PM20D2: variants seen among roughly 807,000 people sequenced by gnomAD.
PM20D2 encodes xaa-Arg dipeptidase.
Under a neutral mutation model 42.9 loss-of-function variants are expected in PM20D2, and 33 were observed. That is an observed-to-expected ratio of 0.77 (90% CI 0.58 to 1.03). PM20D2 has a LOEUF of 1.03. Among genes scored for constraint, PM20D2 ranks in the 50% least tolerant of loss-of-function variants. The pLI is 0.00. For synonymous variants in PM20D2, 250 were observed against 228.2 expected, an observed-to-expected ratio of 1.10 and a Z score of -0.86; for missense variants, 548 against 557.0, an observed-to-expected ratio of 0.98 and a Z score of 0.16.
chr6:89,103,628 G>T, the PM20D2 span, among the ~76,000 whole-genome samples: 12 of 151,968 alleles, frequency 7.9e-5, no homozygotes, highest in African/African-American at 2.9e-4. Flanking sequence ...ACTGCGCCTG[G>T]CCTGAATTTT....
At chr6:89,134,900 T>C in the PM20D2 span, among the ~76,000 whole-genome samples, 4 of 151,108 alleles carry the variant, frequency 2.6e-5, no homozygotes, top group Non-Finnish European at 4.4e-5. Context: ...TGGGTAGCTC[T>C]GGAGTGTAAA....
chr6:89,131,206 A>C, the PM20D2 span, among the ~76,000 whole-genome samples: 1 of 151,668 alleles, frequency 6.6e-6, no homozygotes, highest in Non-Finnish European at 1.5e-5. Context: ...TAACCCATGA[A>C]CTCATTAATC....
chr6:89,144,582 A>G (rs1455112434), upstream of PM20D2, among the ~76,000 whole-genome samples: 7 of 152,258 alleles, frequency 4.6e-5, no homozygotes, highest in Non-Finnish European at 8.8e-5. Context: ...TAAAATGAAG[A>G]TAAATAACCA....
the PM20D2 span, among the ~76,000 whole-genome samples, chr6:89,117,653 G>A: frequency 6.6e-6 from 1 of 151,450 alleles, no homozygotes; most frequent in Non-Finnish European, 1.5e-5. Context: ...TTCCGCCCTG[G>A]GCCGCGGAGT....
the PM20D2 span, among the ~76,000 whole-genome samples, chr6:89,133,066 A>AT: frequency 1.9e-4 from 28 of 146,292 alleles, 1 homozygote; most frequent in African/African-American, 3.1e-4. Context: ...TACCAAAGAA[A>AT]TTTTTTTTTT....
chr6:89,095,794 T>C, the PM20D2 span, among the ~76,000 whole-genome samples: 2 of 152,240 alleles, frequency 1.3e-5, no homozygotes, highest in African/African-American at 4.8e-5. Context: ...TTGTGCATTA[T>C]TCCTGGGGAG....
the PM20D2 span, among the ~76,000 whole-genome samples, chr6:89,115,778 A>G: frequency 6.7e-6 from 1 of 148,540 alleles, no homozygotes; most frequent in South Asian, 2.2e-4. Flanking sequence ...CTGGGACTAC[A>G]GGCACCCGCC....
Position 89,162,544 on chromosome 6 carries a change from A to C in PM20D2, c.*281A>C. The C allele has an allele frequency of 4.2e-6, 1 of 239,116 alleles. No homozygotes were observed. Among genetic ancestry groups the C allele is most frequent in the Non-Finnish European group, 8.0e-6 (1 of 124,460 alleles). 14.8% of individuals were successfully genotyped at this position (239,116 alleles called of 1,614,324 possible). ...AACCACTCACCTTCACAGTAGTGAT[A>C]CCATTTCTTAACCTGGAGGATACAT... is the stretch of plus-strand genomic sequence containing the variant. On this transcript the variant is annotated 3_prime_UTR_variant, in exon 7 of 7. Coordinates refer to ENST00000275072, the MANE Select transcript of PM20D2 (RefSeq NM_001010853.3).
chr6:89,108,448 G>A, the PM20D2 span, among the ~76,000 whole-genome samples: 1 of 152,186 alleles, frequency 6.6e-6, no homozygotes, highest in Admixed American at 6.6e-5. Context: ...AGCTCACTGA[G>A]CCAGCAAGTG....
In PM20D2 at chr6:89,163,796, T is replaced by C. The variant is rs938979133; in HGVS notation, c.*1533T>C. On this transcript the variant is annotated 3_prime_UTR_variant, in exon 7 of 7. Coordinates refer to ENST00000275072, the MANE Select transcript of PM20D2 (RefSeq NM_001010853.3). ...ATGGAACATTTTTATTACATGCCTT[T>C]ATAATTTTTCATTGTTCACACCCTG... is the stretch of plus-strand genomic sequence containing the variant. 5 of 152,214 alleles carry C rather than the reference T, an allele frequency of 3.3e-5. No individual in the cohort carries two copies. The highest frequency in any genetic ancestry group is 7.2e-5 in the African/African-American group (3 of 41,458). 9.4% of individuals were successfully genotyped at this position (152,214 alleles called of 1,614,324 possible).
the PM20D2 span, among the ~76,000 whole-genome samples, chr6:89,131,317 G>C: frequency 6.6e-6 from 1 of 152,160 alleles, no homozygotes; most frequent in African/African-American, 2.4e-5. Flanking sequence ...TTAGATATCA[G>C]CATAAGTTTT....
the PM20D2 span, among the ~76,000 whole-genome samples, chr6:89,102,173 T>C: frequency 3.3e-5 from 5 of 152,144 alleles, no homozygotes; most frequent in Admixed American, 6.5e-5. Context: ...AGACAGAGTC[T>C]TGCTCTGTCA....
At chr6:89,138,343 G>T in the PM20D2 span, among the ~76,000 whole-genome samples, 1 of 152,046 alleles carries the variant, frequency 6.6e-6, no homozygotes, top group African/African-American at 2.4e-5. Flanking sequence ...CAACACTCGG[G>T]TACAATTATA....
chr6:89,122,851 A>G, the PM20D2 span, among the ~76,000 whole-genome samples: 1 of 152,186 alleles, frequency 6.6e-6, no homozygotes, highest in African/African-American at 2.4e-5. Flanking sequence ...AAAACAAACC[A>G]TGAAGAGTGA....
At chr6:89,124,736 G>GTTTTTTTTTT in the PM20D2 span, among the ~76,000 whole-genome samples, 681 of 108,180 alleles carry the variant, frequency 6.3e-3, 9 homozygotes, top group South Asian at 0.015. Flanking sequence ...TGCTGTTGTT[G>GTTTTTTTTTT]TTTTTTTTTT....
intron 1 of PM20D2, 86 bp downstream of exon 1, chr6:89,146,695 G>A: frequency 8.8e-7 from 1 of 1,130,672 alleles, no homozygotes; most frequent in South Asian, 2.0e-5. Flanking sequence ...TGCGTCCCGC[G>A]CGCCTCGGTG....
chr6:89,124,222 C>T, the PM20D2 span, among the ~76,000 whole-genome samples: 15 of 151,990 alleles, frequency 9.9e-5, no homozygotes, highest in Non-Finnish European at 2.2e-4. Flanking sequence ...CTAGTCTGGG[C>T]AACATACGAA....
chr6:89,135,174 AC>A, the PM20D2 span, among the ~76,000 whole-genome samples: 1 of 151,358 alleles, frequency 6.6e-6, no homozygotes, highest in African/African-American at 2.5e-5. Flanking sequence ...TGTAAAGATC[AC>A]AAAATTCAGA....
At chr6:89,108,152 G>A in the PM20D2 span, among the ~76,000 whole-genome samples, 1 of 152,114 alleles carries the variant, frequency 6.6e-6, no homozygotes, top group Non-Finnish European at 1.5e-5. Context: ...CTTCTAGTGC[G>A]ATTAGGTGCT....
Sources: gnomAD v4.1 joint callset for allele counts (sites outside exome capture counted in the v4.1 genomes callset) on GRCh38, gnomAD v4.1.1 for gene constraint, MANE v1.5 for transcripts, NCBI Gene and HGNC (gene_info 2026-07-23, HGNC 2026-07-21) for gene names.